The following MCM3AP variants were observed in gnomAD, a reference collection of about 807,000 sequenced individuals.
MCM3AP encodes minichromosome maintenance complex component 3 associated protein, also known as germinal-center associated nuclear protein.
In MCM3AP, 126 loss-of-function variants were observed where a neutral mutation model predicts 184.1. That is an observed-to-expected ratio of 0.68 (90% CI 0.59 to 0.79). MCM3AP has a LOEUF of 0.79. Ranked by LOEUF, MCM3AP falls within the 30% of genes least tolerant of loss-of-function variation. MCM3AP has a pLI of 0.00. For synonymous variants in MCM3AP, 1,002 were observed against 979.3 expected, an observed-to-expected ratio of 1.02 and a Z score of -0.43; for missense variants, 2,496 against 2,479.2, an observed-to-expected ratio of 1.01 and a Z score of -0.14.
rs1404857913 is a variant in MCM3AP, at chr21:46,235,311, G to C, written c.5900C>G (p.Ser1967Cys). 4 of 1,614,104 alleles carry C rather than the reference G, an allele frequency of 2.5e-6. No homozygotes were observed. The South Asian group carries it at 4.4e-5, about 18-fold the overall frequency. The change falls in exon 28 of 28, where the codon TCT becomes TGT. Residue 1967 changes from serine (S) to cysteine (C), a missense_variant. Transcript: ENST00000291688. The stretch of plus-strand genomic sequence containing the variant: ...TAGCAGCGCAGAGAGATGGAGCTCA[G>C]AGGCAACTTCCTCTTCCCTTGAACT... ...IRSSREEEVA[S>C]ELHLSALLDM...
In MCM3AP at chr21:46,284,571, T is replaced by A; in HGVS notation, c.716A>T (p.Lys239Met). 1 of 1,614,194 alleles carries A rather than the reference T, an allele frequency of 6.2e-7. No homozygotes were observed. Among genetic ancestry groups the A allele is most frequent in the Non-Finnish European group, 8.5e-7 (1 of 1,180,024 alleles). Residue 239 changes from lysine to methionine, a missense_variant, in exon 1 of 28, where the codon AAG (lysine) becomes ATG (methionine). By Grantham distance (95) the Lys-to-Met change is moderately conservative (BLOSUM62 -1). This residue lies in a region of MCM3AP where 800 missense variants were observed against 717.1 expected (regional missense o/e 1.12). Transcript: ENST00000291688. ...QNVEEEKRGP[K>M]SIFGSSNNSF... The stretch of plus-strand genomic sequence containing the variant: ...ATTATTAGAACTTCCAAATATTGAC[T>A]TAGGTCCTCTCTTCTCTTCCTCTAC...
At chr21:46,254,106 C>T in intron 19 of MCM3AP, 1 of 420,840 alleles carries the variant, frequency 2.4e-6, no homozygotes, top group African/African-American at 2.0e-5. Context: ...TCCTGTACAG[C>T]CGAGCCAATT....
At chr21:46,270,656 T>C in intron 8 of MCM3AP, 93 bp from the exon 9 acceptor site, 2 of 1,156,326 alleles carry the variant, frequency 1.7e-6, no homozygotes, top group Non-Finnish European at 2.5e-6. Flanking sequence ...TAGATTTCAC[T>C]GGCCAGATGC....
In MCM3AP at chr21:46,285,457, T is replaced by G; in HGVS notation, c.-171A>C. 1 of 598,986 alleles carries G rather than the reference T, an allele frequency of 1.7e-6. No individual in the cohort carries two copies. The allele number at this position is 598,986 out of a possible 1,614,324, so 37.1% of individuals were successfully genotyped here. A position where few individuals can be genotyped will look rare whatever the true frequency, so the allele number is the denominator to read the frequency against. On this transcript the variant is annotated 5_prime_UTR_variant, in exon 1 of 28. Transcript: ENST00000291688. ...TGCTACAAGTCTAAGAAAAGAATTT[T>G]TGAACACTGTCATACTAAAAGGATA...
intron 21 of MCM3AP, 29 bp from the exon 22 acceptor site, chr21:46,246,433 T>C (rs1206210224): frequency 2.1e-6 from 3 of 1,456,608 alleles, no homozygotes; most frequent in Admixed American, 1.7e-5. Flanking sequence ...TGAAGGTCAC[T>C]TGCATTCTGC....
Position 46,242,814 on chromosome 21 carries a change from A to G in MCM3AP, c.5414T>C (p.Leu1805Pro). ...ARLQTQKELQ[L>P]REGRLAIKPF... ...ACATGAACCTCACCGTCCCTCTCTC[A>G]GCTGTAGCTCCTTCTGCGTCTGCAA... Residue 1805 changes from leucine to proline, a missense_variant, in exon 25 of 28, where the codon CTG becomes CCG. Leu to Pro is a moderately conservative substitution (Grantham distance 98). Transcript: ENST00000291688. 1 of 1,609,966 alleles carries G rather than the reference A, an allele frequency of 6.2e-7. No homozygotes were observed.
rs17182885 is a variant in MCM3AP at position 46,264,078 on chromosome 21, G to A, written c.3335+39C>T. 9.5e-5 allele frequency: 135 copies of A among 1,424,548 alleles called. No individual in the cohort carries two copies. In the East Asian group the frequency reaches 2.2e-3, roughly 23 times the overall value. 88.2% of individuals were successfully genotyped at this position (1,424,548 alleles called of 1,614,324 possible). A position where few individuals can be genotyped will look rare whatever the true frequency, so the allele number is the denominator to read the frequency against. On this transcript the variant is annotated intron_variant, in intron 13 of 27. Coordinates refer to ENST00000291688, the MANE Select transcript of MCM3AP (RefSeq NM_003906.5). ...TCTGGAGGACTGGGTGCAGCTCCCC[G>A]CAGCACGTAGCAGGAGGGGAGCACG... is the stretch of plus-strand genomic sequence containing the variant.
At position 46,273,542 on chromosome 21, in the gene MCM3AP, G is replaced by A. The variant is rs1186975092; in HGVS notation, c.2042C>T (p.Ala681Val). 5 of 1,613,742 alleles carry A rather than the reference G, an allele frequency of 3.1e-6. No individual in the cohort carries two copies. The highest frequency in any genetic ancestry group is 4.2e-6 in the Non-Finnish European group (5 of 1,179,834). Residue 681 changes from alanine (A) to valine (V), a missense_variant, in exon 7 of 28, where the codon GCG becomes GTG. By Grantham distance (64) the Ala-to-Val change is moderately conservative (BLOSUM62 0). Coordinates refer to ENST00000291688, the MANE Select transcript of MCM3AP (RefSeq NM_003906.5). ...GTGGGGCAGGGGCTCCTCCTGATCC[G>A]CCGAGGACCGACTGTACTCTTTCAC... ...AAVKEYSRSS[A>V]DQEEPLPHEL...
At chr21:46,269,654 C>T (rs1445068286) in intron 9 of MCM3AP, among the ~76,000 whole-genome samples, 5 of 152,162 alleles carry the variant, frequency 3.3e-5, no homozygotes, top group African/African-American at 1.2e-4. Flanking sequence ...CAGCATCCTC[C>T]CCACGCTGTG....
At chr21:46,277,088 G>A (rs1259461536) in intron 5 of MCM3AP, among the ~76,000 whole-genome samples, 2 of 152,120 alleles carry the variant, frequency 1.3e-5, no homozygotes, top group African/African-American at 4.8e-5. Context: ...GCTAAGAGAA[G>A]TACCTGTGTT....
intron 27 of MCM3AP, 110 bp downstream of exon 27, chr21:46,236,719 T>C (rs1601471750): frequency 1.4e-6 from 1 of 722,634 alleles, no homozygotes; most frequent in Non-Finnish European, 2.2e-6. Context: ...AGCTAATAAT[T>C]TGTCGGTCAT....
At chr21:46,260,044 C>T (rs1442463485) in intron 15 of MCM3AP, among the ~76,000 whole-genome samples, 1 of 151,888 alleles carries the variant, frequency 6.6e-6, no homozygotes, top group Non-Finnish European at 1.5e-5. Flanking sequence ...CCACTGCACT[C>T]CAGTGTGGGC....
chr21:46,280,599 ATG>A, intron 2 of MCM3AP, 24 bp from the exon 3 acceptor site: 1 of 1,507,466 alleles, frequency 6.6e-7, no homozygotes, highest in Non-Finnish European at 9.2e-7. Context: ...CACAACCGCC[ATG>A]TGTGAGTATA....
At chr21:46,267,727 A>G (rs1424198469) in intron 9 of MCM3AP, 1 of 151,606 alleles carries the variant, frequency 6.6e-6, no homozygotes, top group Non-Finnish European at 1.5e-5. Context: ...CCTATTCTCT[A>G]TAAAAAAAAA....
chr21:46,248,718 A>C (rs1231014003), intron 20 of MCM3AP, among the ~76,000 whole-genome samples: 1 of 152,200 alleles, frequency 6.6e-6, no homozygotes, highest in East Asian at 1.9e-4. Flanking sequence ...CATCCAAAAA[A>C]TAAGATGCTA....
At chr21:46,258,194 A>G (rs17182983) in intron 16 of MCM3AP, among the ~76,000 whole-genome samples, 2 of 152,354 alleles carry the variant, frequency 1.3e-5, no homozygotes, top group Admixed American at 6.5e-5. Context: ...CACAATGGAC[A>G]GGGGTCTGTT....
chr21:46,247,931 A>G (rs926393860), intron 20 of MCM3AP, among the ~76,000 whole-genome samples: 2 of 152,018 alleles, frequency 1.3e-5, no homozygotes, highest in Non-Finnish European at 2.9e-5. Context: ...ACATAGCAAG[A>G]CCCCATCTCT....
At chr21:46,259,540 C>A (rs1601516602) in intron 15 of MCM3AP, 1 of 152,642 alleles carries the variant, frequency 6.6e-6, no homozygotes, top group East Asian at 1.9e-4. Context: ...GAGGCCAAAG[C>A]AGGCAAATCA....
chr21:46,261,746 AAAAG>A (rs2081044969), intron 13 of MCM3AP, among the ~76,000 whole-genome samples: 2 of 151,780 alleles, frequency 1.3e-5, no homozygotes, highest in East Asian at 1.9e-4. Context: ...AAAAAAAAAA[AAAAG>A]AAAGAAAAAT....
Sources: gnomAD v4.1 joint callset for allele counts (sites outside exome capture counted in the v4.1 genomes callset) on GRCh38, gnomAD v4.1.1 for gene constraint, gnomAD v4.1.1 regional missense constraint, MANE v1.5 for transcripts, NCBI Gene and HGNC (gene_info 2026-07-23, HGNC 2026-07-21) for gene names.